Variants in PDE4D observed in about 807,000 individuals in gnomAD.
The protein encoded by PDE4D is phosphodiesterase 4D.
In PDE4D, 24 loss-of-function variants were observed where a neutral mutation model predicts 87.4. The ratio of observed to expected loss-of-function variants is 0.27; its 90% CI spans 0.20 to 0.39. The LOEUF (loss-of-function observed/expected upper bound fraction) is 0.39, where lower values mean the gene tolerates loss of function less well. Among genes scored for constraint, PDE4D ranks in the 10% least tolerant of loss-of-function variants. The pLI is 1.00. For missense variants in PDE4D, 714 were observed against 1,041.0 expected (o/e 0.69, Z 4.32); for synonymous variants, 384 against 383.2 (o/e 1.00, Z -0.02).
intron 1 of PDE4D, among the ~76,000 whole-genome samples, chr5:60,399,166 A>G (rs898672467): frequency 3.3e-5 from 5 of 152,088 alleles, no homozygotes; most frequent in Non-Finnish European, 2.9e-5. Flanking sequence ...CACTTCTCCA[A>G]TCCAATTTCT....
chr5:59,590,528 T>A (rs1302490949), intron 1 of PDE4D, among the ~76,000 whole-genome samples: 2 of 151,994 alleles, frequency 1.3e-5, no homozygotes, highest in African/African-American at 2.4e-5. Context: ...AAAAGAAATA[T>A]CAGGAGTAAC....
rs1158880540 is a variant in PDE4D at position 59,371,122 on chromosome 5, A to G, written c.456-155154T>C. 3.9e-5 allele frequency among the ~76,000 whole-genome samples: 6 copies of G among 152,320 alleles called. No individual in the cohort carries two copies. The East Asian group carries it at 9.6e-4, about 24-fold the overall frequency. Reference sequence around the variant, plus strand: ...CAAGACAATTCTTCCAATGTGGCCCAGGGAAGCCAAAAGATTGAATACTCC... The same window carrying G: ...CAAGACAATTCTTCCAATGTGGCCCGGGGAAGCCAAAAGATTGAATACTCC... On this transcript the variant is annotated intron_variant, in intron 1 of 14. Coordinates refer to ENST00000340635, the MANE Select transcript of PDE4D (RefSeq NM_001104631.2).
At position 58,974,705 on chromosome 5, in the gene PDE4D, G is replaced by T; in HGVS notation, c.2389C>A (p.Pro797Thr). Residue 797 changes from proline to threonine, a missense_variant, in exon 15 of 15, where the codon CCT (proline) becomes ACT (threonine). This residue lies in a region of PDE4D where 90 missense variants were observed against 95.3 expected (regional missense o/e 0.94). Coordinates refer to ENST00000340635, the MANE Select transcript of PDE4D (RefSeq NM_001104631.2). ...EAVGEEEESQ[P>T]EACVIDDRSP... ...CGATCATCTATGACACAGGCTTCAG[G>T]CTGGCTTTCCTCTTCTTCCCCTACT... 6.2e-7 allele frequency: 1 copy of T among 1,610,036 alleles called. No homozygotes were observed. The highest frequency in any genetic ancestry group is 8.5e-7 in the Non-Finnish European group (1 of 1,177,752).
intron 1 of PDE4D, among the ~76,000 whole-genome samples, chr5:59,560,423 C>T (rs1819770458): frequency 6.6e-6 from 1 of 152,192 alleles, no homozygotes; most frequent in Admixed American, 6.5e-5. Flanking sequence ...CTCACTCATT[C>T]ATTCAACAAG....
intron 2 of PDE4D, among the ~76,000 whole-genome samples, chr5:60,137,536 C>A (rs1301474819): frequency 6.6e-6 from 1 of 152,012 alleles, no homozygotes; most frequent in South Asian, 2.1e-4. Context: ...TTGGGTTTCT[C>A]TAAAGATCAG....
intron 1 of PDE4D, among the ~76,000 whole-genome samples, chr5:59,688,816 A>G (rs1426897966): frequency 6.6e-6 from 1 of 151,874 alleles, no homozygotes; most frequent in Admixed American, 6.6e-5. Flanking sequence ...AAATTGACGG[A>G]CCACTAGCAA....
chr5:60,317,381 C>A (rs1382037872), intron 1 of PDE4D, among the ~76,000 whole-genome samples: 1 of 151,868 alleles, frequency 6.6e-6, no homozygotes, highest in Non-Finnish European at 1.5e-5. Flanking sequence ...TCTCTCTTTT[C>A]TTCTTTATTA....
At position 58,969,515 on chromosome 5, in the gene PDE4D, C is replaced by T. The variant is rs768238681; in HGVS notation, c.*5149G>A. The T allele has an allele frequency of 6.6e-6, 1 of 152,204 alleles. No homozygotes were observed. Among genetic ancestry groups the T allele is most frequent in the African/African-American group, 2.4e-5 (1 of 41,452 alleles). The allele number at this position is 152,204 out of a possible 1,614,324, so 9.4% of individuals were successfully genotyped here. ...AGTTACCTCTTACAATCCTTCAGAA[C>T]TCAGATGCAAATCACTTTCTCAAGG... On this transcript the variant is annotated 3_prime_UTR_variant, in exon 15 of 15. Coordinates refer to ENST00000340635, the MANE Select transcript of PDE4D (RefSeq NM_001104631.2).
At chr5:60,150,202 C>T (rs1184454965) in intron 2 of PDE4D, among the ~76,000 whole-genome samples, 6 of 151,680 alleles carry the variant, frequency 4.0e-5, no homozygotes. Flanking sequence ...GGAAATACAA[C>T]CATGAATCTT....
rs1457195287 is a variant in PDE4D at position 60,421,241 on chromosome 5, C to T, written c.-90+66701G>A. Among the ~76,000 whole-genome samples the T allele has an allele frequency of 5.9e-5, 9 of 152,204 alleles. No homozygotes were observed. The East Asian group carries it at 1.7e-3, about 29-fold the overall frequency. On this transcript the variant is annotated intron_variant, in intron 1 of 16. Coordinates refer to the PDE4D transcript ENST00000502484. ...GGACAGACTGCCTCCTCAAGTGGGTCCCTGACCCCCACATAGCTTAACTGG... is the reference window on the plus strand; with the variant it reads ...GGACAGACTGCCTCCTCAAGTGGGTTCCTGACCCCCACATAGCTTAACTGG...
intron 2 of PDE4D, among the ~76,000 whole-genome samples, chr5:60,004,439 T>A (rs572402080): frequency 6.6e-6 from 1 of 152,298 alleles, no homozygotes; most frequent in African/African-American, 2.4e-5. Flanking sequence ...ATACTAATAC[T>A]ATGTAAACAC....
intron 1 of PDE4D, among the ~76,000 whole-genome samples, chr5:59,638,923 T>C (rs1741067891): frequency 1.3e-5 from 2 of 152,174 alleles, no homozygotes; most frequent in African/African-American, 4.8e-5. Context: ...TTTTGGTCAG[T>C]CACAGTTTCT....
At chr5:59,610,676 T>G (rs1375300213) in intron 1 of PDE4D, among the ~76,000 whole-genome samples, 1 of 152,176 alleles carries the variant, frequency 6.6e-6, no homozygotes, top group Non-Finnish European at 1.5e-5. Context: ...TTTGAGTATA[T>G]GCACATTAGT....
chr5:60,337,197 G>T (rs1255364959), intron 1 of PDE4D, among the ~76,000 whole-genome samples: 1 of 150,144 alleles, frequency 6.7e-6, no homozygotes, highest in Non-Finnish European at 1.5e-5. Flanking sequence ...GCTGGGCATG[G>T]TGGCAGGCAC....
intron 1 of PDE4D, among the ~76,000 whole-genome samples, chr5:59,450,317 T>C (rs1021492089): frequency 5.3e-5 from 8 of 152,194 alleles, no homozygotes; most frequent in Admixed American, 1.3e-4. Flanking sequence ...TTATTTAAGA[T>C]TTTTTCTCTA....
At position 59,959,095 on chromosome 5, in the gene PDE4D, G is replaced by GAC. The variant is rs371895077; in HGVS notation, c.272+29391_272+29392dup. Among the ~76,000 whole-genome samples, 14 of 106,832 alleles carry GAC rather than the reference G, an allele frequency of 1.3e-4. No homozygotes were observed. In the East Asian group the frequency reaches 3.3e-3, roughly 25 times the overall value. 70.1% of individuals were successfully genotyped at this position (106,832 alleles called of 152,430 possible). A position where few individuals can be genotyped will look rare whatever the true frequency, so the allele number is the denominator to read the frequency against. ...AAGAACACAATCTCACTTAACAATA[G>GAC]ACACACACACACGCAGGTGCACACA... is the stretch of plus-strand genomic sequence containing the variant. On this transcript the variant is annotated intron_variant, in intron 3 of 16. Coordinates refer to the PDE4D transcript ENST00000502484.
At chr5:59,073,601 G>C (rs17721133) in intron 5 of PDE4D, among the ~76,000 whole-genome samples, 35,354 of 151,570 alleles carry the variant, frequency 0.23, 5,149 homozygotes, top group Middle Eastern at 0.36. Flanking sequence ...TAAAGACACT[G>C]TTGTTCCCTA....
chr5:59,103,524 C>T (rs1337854214), intron 5 of PDE4D, among the ~76,000 whole-genome samples: 1 of 152,054 alleles, frequency 6.6e-6, no homozygotes, highest in African/African-American at 2.4e-5. Flanking sequence ...AGGGAGCCCA[C>T]ATCCTGGCAC....
intron 1 of PDE4D, chr5:59,592,036 G>A (rs1044308318): frequency 4.5e-6 from 2 of 442,296 alleles, no homozygotes; most frequent in African/African-American, 4.3e-5. Context: ...TAATAAAGAG[G>A]TGAGTGTGCC....
Sources: allele counts gnomAD v4.1 joint callset (sites outside exome capture counted in the v4.1 genomes callset), GRCh38; gene constraint gnomAD v4.1.1; regional missense constraint gnomAD v4.1.1; transcripts MANE v1.5; gene names NCBI Gene and HGNC (gene_info 2026-07-23, HGNC 2026-07-21).